Variants in WSCD2 observed in about 807,000 individuals in gnomAD.
WSCD2 encodes the protein WSC domain sialate O sulfotransferase 2.
A neutral mutation model predicts 55.7 loss-of-function variants in WSCD2; 28 were observed. The observed-to-expected ratio is 0.50, with a 90% CI of 0.37 to 0.69. WSCD2 has a LOEUF of 0.69. Ranked by LOEUF, WSCD2 falls within the 30% of genes least tolerant of loss-of-function variation. The pLI, the probability that WSCD2 is intolerant of heterozygous loss-of-function variation, is 0.00. For synonymous variants in WSCD2, 301 were observed against 301.9 expected (o/e 1.00, Z 0.03); for missense variants, 616 against 762.1 (o/e 0.81, Z 2.26).
chr12:108,222,192 A>G (rs1887604263), intron 4 of WSCD2, among the ~76,000 whole-genome samples: 1 of 152,222 alleles, frequency 6.6e-6, no homozygotes, highest in Non-Finnish European at 1.5e-5. Context: ...GTATGCTAAA[A>G]AACGCTTTTA....
At chr12:108,138,612 A>G (rs1876465240) in intron 1 of WSCD2, among the ~76,000 whole-genome samples, 4 of 152,196 alleles carry the variant, frequency 2.6e-5, no homozygotes, top group Admixed American at 2.6e-4. Flanking sequence ...CATTTTCTCC[A>G]ATGGGCATAA....
intron 6 of WSCD2, among the ~76,000 whole-genome samples, chr12:108,232,462 C>A (rs1161661983): frequency 6.6e-6 from 1 of 152,114 alleles, no homozygotes; most frequent in African/African-American, 2.4e-5. Context: ...TCTATTGGAT[C>A]CCTACTATGG....
chr12:108,230,925 C>T (rs1888677082), intron 6 of WSCD2, among the ~76,000 whole-genome samples: 1 of 152,166 alleles, frequency 6.6e-6, no homozygotes, highest in Non-Finnish European at 1.5e-5. Context: ...GACAACTCTG[C>T]TGGCAATGTG....
In WSCD2 at chr12:108,249,921, A is replaced by G. The variant is rs1890337789; in HGVS notation, c.*1578A>G. On this transcript the variant is annotated 3_prime_UTR_variant, in exon 9 of 9. Transcript: ENST00000547525. ...ATTTTGTACCGTGTTTCTTTCCCCC[A>G]GGAGAATTTTTAGTCTTCTTTCATG... The G allele has an allele frequency of 6.6e-6, 1 of 152,512 alleles. No homozygotes were observed. The highest frequency in any genetic ancestry group is 1.5e-5 in the Non-Finnish European group (1 of 68,034). 9.4% of individuals were successfully genotyped at this position (152,512 alleles called of 1,614,324 possible).
intron 1 of WSCD2, among the ~76,000 whole-genome samples, chr12:108,190,468 C>T (rs2137029918): frequency 6.6e-6 from 1 of 152,174 alleles, no homozygotes; most frequent in South Asian, 2.1e-4. Context: ...GGGAGTCAGC[C>T]CCCTACCCAG....
At chr12:108,209,680 G>T (rs1885868119) in intron 3 of WSCD2, among the ~76,000 whole-genome samples, 1 of 151,876 alleles carries the variant, frequency 6.6e-6, no homozygotes, top group Non-Finnish European at 1.5e-5. Context: ...CCTCCACGCT[G>T]CCCCACTGCA....
intron 2 of WSCD2, among the ~76,000 whole-genome samples, chr12:108,200,664 T>C (rs896368025): frequency 5.3e-5 from 8 of 152,188 alleles, no homozygotes; most frequent in Non-Finnish European, 1.2e-4. Context: ...TCTTCTACAA[T>C]AAGCCAAAAT....
chr12:108,200,215 G>T (rs1421950823), intron 2 of WSCD2, among the ~76,000 whole-genome samples: 3 of 152,220 alleles, frequency 2.0e-5, no homozygotes, highest in Admixed American at 2.0e-4. Context: ...TGCAATGGCT[G>T]CAGGTTACTG....
chr12:108,175,374 A>G (rs1218947436), intron 1 of WSCD2, among the ~76,000 whole-genome samples: 2 of 152,150 alleles, frequency 1.3e-5, no homozygotes, highest in Non-Finnish European at 2.9e-5. Context: ...ACTAAAAGAG[A>G]GGAAGCATGT....
chr12:108,198,621 C>T (rs1884262640), intron 2 of WSCD2, among the ~76,000 whole-genome samples: 1 of 152,220 alleles, frequency 6.6e-6, no homozygotes, highest in Admixed American at 6.5e-5. Context: ...ACCTACTTCA[C>T]ACCAACCACT....
At chr12:108,228,966 A>G (rs536077795) in intron 6 of WSCD2, among the ~76,000 whole-genome samples, 7 of 152,306 alleles carry the variant, frequency 4.6e-5, no homozygotes, top group African/African-American at 1.7e-4. Flanking sequence ...ACACAGATTA[A>G]TTACCCTGTG....
chr12:108,246,381 A>G (rs1890083435), intron 8 of WSCD2, among the ~76,000 whole-genome samples: 1 of 152,186 alleles, frequency 6.6e-6, no homozygotes, highest in Non-Finnish European at 1.5e-5. Flanking sequence ...CTGCTCTGGC[A>G]GGCACCGGGT....
At chr12:108,150,656 C>T (rs1267481526) in intron 1 of WSCD2, among the ~76,000 whole-genome samples, 5 of 152,058 alleles carry the variant, frequency 3.3e-5, no homozygotes, top group Non-Finnish European at 5.9e-5. Flanking sequence ...CAGGCAGGAC[C>T]CCGATATGCA....
chr12:108,151,263 G>C lies in WSCD2; in HGVS notation c.-552+21337G>C, dbSNP rs992859931. On this transcript the variant is annotated intron_variant, in intron 1 of 8. Coordinates refer to ENST00000547525, the MANE Select transcript of WSCD2 (RefSeq NM_014653.4). ...TGCCCTGTGCATTGCAGTGTGTTGAGCAGCATCCCTGGCCTCTGCCACTAG... is the reference window on the plus strand; with the variant it reads ...TGCCCTGTGCATTGCAGTGTGTTGACCAGCATCCCTGGCCTCTGCCACTAG... Among the ~76,000 whole-genome samples, 3 of 152,232 alleles carry C rather than the reference G, an allele frequency of 2.0e-5. No individual in the cohort carries two copies. The East Asian group carries it at 5.8e-4, about 30-fold the overall frequency.
intron 1 of WSCD2, among the ~76,000 whole-genome samples, chr12:108,170,543 T>C (rs763044886): frequency 4.5e-4 from 69 of 152,172 alleles, no homozygotes; most frequent in Non-Finnish European, 1.2e-4. Context: ...AATCACCTTA[T>C]GAAAAAGGAT....
rs56944563 is a variant in WSCD2, at chr12:108,211,630, C to CATATATATAT, written c.682+1337_682+1346dup. Among the ~76,000 whole-genome samples the CATATATATAT allele has an allele frequency of 7.9e-4, 110 of 138,530 alleles. No individual in the cohort carries two copies. In the Middle Eastern group the frequency reaches 0.011, roughly 14 times the overall value. 90.9% of individuals were successfully genotyped at this position (138,530 alleles called of 152,430 possible). A position where few individuals can be genotyped will look rare whatever the true frequency, so the allele number is the denominator to read the frequency against. On this transcript the variant is annotated intron_variant, in intron 4 of 8. Transcript: ENST00000547525. The stretch of plus-strand genomic sequence containing the variant: ...AAAATGTGTCCAGTGTTTCAAATCC[C>CATATATATAT]ATATATATATATATATATATACATA...
intron 8 of WSCD2, among the ~76,000 whole-genome samples, chr12:108,247,361 A>G (rs1890163802): frequency 6.6e-6 from 1 of 151,276 alleles, no homozygotes; most frequent in Non-Finnish European, 1.5e-5. Flanking sequence ...ACATAATAAT[A>G]TGTTGTATAT....
chr12:108,233,044 G>A, intron 7 of WSCD2, 149 bp downstream of exon 7: 2 of 1,038,026 alleles, frequency 1.9e-6, no homozygotes, highest in Non-Finnish European at 2.7e-6. Context: ...CTGCATGCTT[G>A]GTACCCCCCC....
chr12:108,196,252 G>A (rs1326510538), intron 2 of WSCD2, 38 bp downstream of exon 2: 1 of 1,555,912 alleles, frequency 6.4e-7, no homozygotes, highest in African/African-American at 1.4e-5. Context: ...AGGGGCTGGG[G>A]AGAAGGGAGG....
Sources: allele counts gnomAD v4.1 joint callset (sites outside exome capture counted in the v4.1 genomes callset), GRCh38; gene constraint gnomAD v4.1.1; transcripts MANE v1.5; gene names NCBI Gene and HGNC (gene_info 2026-07-23, HGNC 2026-07-21).